The following PAIP1 variants were observed in gnomAD, a reference collection of about 807,000 sequenced individuals.
PAIP1 encodes the protein poly(A) binding protein interacting protein 1.
Under a neutral mutation model 61.3 loss-of-function variants are expected in PAIP1, and 16 were observed. The ratio of observed to expected loss-of-function variants is 0.26; its 90% CI spans 0.18 to 0.40. PAIP1 has a LOEUF of 0.40. Among genes scored for constraint, PAIP1 ranks in the 10% least tolerant of loss-of-function variants. The pLI is 1.00. For synonymous variants in PAIP1, 187 were observed against 226.2 expected, an observed-to-expected ratio of 0.83 and a Z score of 1.56; for missense variants, 416 against 600.9, an observed-to-expected ratio of 0.69 and a Z score of 3.22.
intron 2 of PAIP1, among the ~76,000 whole-genome samples, chr5:43,550,236 T>G (rs938514266): frequency 2.0e-5 from 3 of 152,178 alleles, no homozygotes; most frequent in Non-Finnish European, 2.9e-5. Flanking sequence ...TAGGAGGTAT[T>G]AATGTTGATG....
Position 43,536,964 on chromosome 5 carries a change from G to A in PAIP1, c.847-20C>T, listed in dbSNP as rs772529509. On this transcript the variant is annotated intron_variant, in intron 5 of 10. Transcript: ENST00000306846. ...CTTGATCTTTCGGGACCAAAAAAAA[G>A]AACAAAAGGAATGATGCCAAAATAT... The A allele has an allele frequency of 6.5e-7, 1 of 1,540,102 alleles. No homozygotes were observed. The highest frequency in any genetic ancestry group is 2.3e-5 in the East Asian group (1 of 43,328).
At chr5:43,556,095 T>A in intron 1 of PAIP1, 96 bp from the exon 2 acceptor site, 1 of 1,486,988 alleles carries the variant, frequency 6.7e-7, no homozygotes. Context: ...CGTCTGTTTT[T>A]AAGAGTTAAA....
At chr5:43,547,283 C>G (rs1404535587) in intron 3 of PAIP1, among the ~76,000 whole-genome samples, 1 of 151,966 alleles carries the variant, frequency 6.6e-6, no homozygotes, top group East Asian at 1.9e-4. Flanking sequence ...CAAATTCTCT[C>G]AATTTTTTTC....
chr5:43,555,723 T>G, intron 2 of PAIP1, 107 bp downstream of exon 2: 1 of 846,326 alleles, frequency 1.2e-6, no homozygotes, highest in South Asian at 2.5e-5. Context: ...ATAAAAAAAT[T>G]TTTTTACGTG....
At chr5:43,534,613 T>C (rs1747071307) in intron 8 of PAIP1, among the ~76,000 whole-genome samples, 1 of 152,250 alleles carries the variant, frequency 6.6e-6, no homozygotes, top group African/African-American at 2.4e-5. Context: ...TGTGCTCACT[T>C]AAGTCCAAGC....
At chr5:43,535,417 T>C in intron 7 of PAIP1, 117 bp downstream of exon 7, 1 of 660,832 alleles carries the variant, frequency 1.5e-6, no homozygotes, top group Non-Finnish European at 2.7e-6. Context: ...AAAGCATTTT[T>C]GTATATCCGT....
At chr5:43,555,733 G>C (rs1210011714) in intron 2 of PAIP1, 97 bp downstream of exon 2, 1 of 1,020,288 alleles carries the variant, frequency 9.8e-7, no homozygotes, top group Non-Finnish European at 1.4e-6. Context: ...TTTTTTACGT[G>C]TAGTACAGAA....
At chr5:43,546,713 C>T (rs1747648423) in intron 3 of PAIP1, among the ~76,000 whole-genome samples, 1 of 152,008 alleles carries the variant, frequency 6.6e-6, no homozygotes, top group South Asian at 2.1e-4. Flanking sequence ...TTGTGTTAAG[C>T]CAGTGTTGTC....
rs376017942 is a variant in PAIP1, at chr5:43,543,129, A to C, written c.622-13T>G. ...GGATAGATGTGGCCTTTTAAAAAGA[A>C]GAAAAGTGTTATATGACATAGGTAC... On this transcript the variant is annotated splice_polypyrimidine_tract_variant and intron_variant, in intron 3 of 10. Coordinates refer to ENST00000306846, the MANE Select transcript of PAIP1 (RefSeq NM_006451.5). 148 of 1,354,508 alleles carry C rather than the reference A, an allele frequency of 1.1e-4. No homozygotes were observed. The highest frequency in any genetic ancestry group is 1.4e-4 in the Non-Finnish European group (137 of 945,732). 83.9% of individuals were successfully genotyped at this position (1,354,508 alleles called of 1,614,324 possible). A position where few individuals can be genotyped will look rare whatever the true frequency, so the allele number is the denominator to read the frequency against.
chr5:43,547,810 A>G lies in PAIP1; in HGVS notation c.539T>C (p.Ile180Thr). 6.2e-7 allele frequency: 1 copy of G among 1,611,402 alleles called. No homozygotes were observed. The highest frequency in any genetic ancestry group is 1.1e-5 in the South Asian group (1 of 90,966). Residue 180 changes from isoleucine (I) to threonine (T), a missense_variant, in exon 3 of 11, where the codon ATT (isoleucine) becomes ACT (threonine). By Grantham distance (89) the Ile-to-Thr change is moderately conservative (BLOSUM62 -1). Coordinates refer to ENST00000306846, the MANE Select transcript of PAIP1 (RefSeq NM_006451.5). ...ATTCAGGGTCTCTGCAAACTGTTCAATTTCAGTTTCAAAACTGCCAGGCTG... is the reference window on the plus strand; with the variant it reads ...ATTCAGGGTCTCTGCAAACTGTTCAGTTTCAGTTTCAAAACTGCCAGGCTG... Reference protein sequence around the residue: ...TEQPGSFETEIEQFAETLNGC... With the variant: ...TEQPGSFETETEQFAETLNGC...
At chr5:43,533,144 G>A (rs1414087564) in intron 9 of PAIP1, among the ~76,000 whole-genome samples, 1 of 152,168 alleles carries the variant, frequency 6.6e-6, no homozygotes, top group East Asian at 1.9e-4. Context: ...GAATCCAGAG[G>A]AAACAAATGG....
intron 4 of PAIP1, among the ~76,000 whole-genome samples, chr5:43,542,638 CAAA>C (rs1051322777): frequency 1.8e-4 from 27 of 151,612 alleles, no homozygotes; most frequent in African/African-American, 6.5e-4. Context: ...AATCAAAACC[CAAA>C]TAATGCAAGT....
At chr5:43,529,652 A>G in intron 10 of PAIP1, 134 bp downstream of exon 10, 1 of 667,840 alleles carries the variant, frequency 1.5e-6, no homozygotes. Context: ...TCAGCCTCCC[A>G]AAGTGTTGGG....
Position 43,539,023 on chromosome 5 carries a change from T to A in PAIP1, c.747A>T (p.Glu249Asp), listed in dbSNP as rs759399679. 6.3e-7 allele frequency: 1 copy of A among 1,595,368 alleles called. No individual in the cohort carries two copies. Among genetic ancestry groups the A allele is most frequent in the African/African-American group, 1.3e-5 (1 of 74,576 alleles). ...TTGCAGCTTGATCTTTAACTTCATA[T>A]TCAGTCCGACATCTAATTAAAGACA... ...RQLLLQRCRT[E>D]YEVKDQAAKG... The change falls in exon 5 of 11, where the codon GAA becomes GAT. Residue 249 changes from glutamate to aspartate, a missense_variant. This residue lies in a region of PAIP1 where 135 missense variants were observed against 283.9 expected (regional missense o/e 0.48). Coordinates refer to ENST00000306846, the MANE Select transcript of PAIP1 (RefSeq NM_006451.5).
Position 43,536,786 on chromosome 5 carries a change from C to T in PAIP1, c.972+33G>A, listed in dbSNP as rs201472696. ...CCTTCCTCTAAATCATAAGTAAATA[C>T]GTAAATTAGTTAAATTAAAAAAAAA... On this transcript the variant is annotated intron_variant, in intron 6 of 10. Transcript: ENST00000306846. The T allele has an allele frequency of 1.2e-3, 1,333 of 1,128,794 alleles. 3 individuals are homozygous for T. The highest frequency in any genetic ancestry group is 3.0e-3 in the African/African-American group (188 of 63,264). The allele number at this position is 1,128,794 out of a possible 1,614,324, so 69.9% of individuals were successfully genotyped here. A position where few individuals can be genotyped will look rare whatever the true frequency, so the allele number is the denominator to read the frequency against.
At chr5:43,551,874 C>CA (rs1747881231) in intron 2 of PAIP1, among the ~76,000 whole-genome samples, 1 of 150,488 alleles carries the variant, frequency 6.6e-6, no homozygotes, top group African/African-American at 2.4e-5. Flanking sequence ...CCATTTTAAG[C>CA]AAAAAAAGGA....
chr5:43,536,185 G>C (rs1022636961), intron 6 of PAIP1, among the ~76,000 whole-genome samples: 1 of 152,084 alleles, frequency 6.6e-6, no homozygotes, highest in East Asian at 1.9e-4. Context: ...CTGCTGATGG[G>C]GCTATACTCT....
chr5:43,531,676 A>AAAAAAAAAAAAAAAAAAAAAGAG (rs70997407), intron 9 of PAIP1, among the ~76,000 whole-genome samples: 3 of 143,008 alleles, frequency 2.1e-5, no homozygotes, highest in Non-Finnish European at 3.1e-5. Flanking sequence ...AAAAAAAAAA[A>AAAAAAAAAAAAAAAAAAAAAGAG]AGAGAAAAAA....
chr5:43,546,727 T>C (rs1747649000), intron 3 of PAIP1, among the ~76,000 whole-genome samples: 1 of 152,128 alleles, frequency 6.6e-6, no homozygotes, highest in African/African-American at 2.4e-5. Flanking sequence ...TGTTGTCTAC[T>C]GTATTTTTCA....
Sources: allele counts gnomAD v4.1 joint callset (sites outside exome capture counted in the v4.1 genomes callset), GRCh38; gene constraint gnomAD v4.1.1; regional missense constraint gnomAD v4.1.1; transcripts MANE v1.5; gene names NCBI Gene and HGNC (gene_info 2026-07-23, HGNC 2026-07-21).